Variants in PGR observed in about 807,000 individuals in gnomAD.
The protein encoded by PGR is progesterone receptor, also known as nuclear receptor subfamily 3 group C member 3.
PGR carries 25 observed loss-of-function variants against 76.1 expected under a neutral mutation model. That is an observed-to-expected ratio of 0.33 (90% CI 0.24 to 0.46). The LOEUF is 0.46. Among genes scored for constraint, PGR ranks in the 20% least tolerant of loss-of-function variants. The pLI, the probability that PGR is intolerant of heterozygous loss-of-function variation, is 1.00. For synonymous variants in PGR, 579 were observed against 535.0 expected (o/e 1.08, Z -1.14); for missense variants, 1,172 against 1,225.3 (o/e 0.96, Z 0.65).
intron 3 of PGR, among the ~76,000 whole-genome samples, chr11:101,064,766 T>C (rs188492966): frequency 3.9e-5 from 6 of 152,350 alleles, no homozygotes; most frequent in African/African-American, 1.2e-4. Flanking sequence ...GTCTTTATTA[T>C]CTGTTGCTGT....
In PGR at chr11:101,129,060, A is replaced by G. The variant is rs1481763731; in HGVS notation, c.11T>C (p.Leu4Pro). ...GGGAGCCCGGGGACCCTTTGCCTTC[A>G]GCTCAGTCATGACGACTGGACTCCC... The part of the protein sequence containing the change: MTE[L>P]KAKGPRAPHV... The change falls in exon 1 of 8, where the codon CTG becomes CCG. Residue 4 changes from leucine to proline, a missense_variant. Transcript: ENST00000325455. 1.6e-5 allele frequency: 25 copies of G among 1,550,808 alleles called. No homozygotes were observed. The Admixed American group carries it at 2.7e-4, about 17-fold the overall frequency.
At chr11:101,094,851 G>C (rs1861787914) in intron 2 of PGR, among the ~76,000 whole-genome samples, 1 of 152,094 alleles carries the variant, frequency 6.6e-6, no homozygotes, top group African/African-American at 2.4e-5. Flanking sequence ...TTAAGAGGTG[G>C]GGTCTCTGCC....
chr11:101,125,003 G>A (rs1003475644), intron 2 of PGR, among the ~76,000 whole-genome samples: 4 of 151,962 alleles, frequency 2.6e-5, no homozygotes, highest in Admixed American at 1.3e-4. Flanking sequence ...CTTGTAAGGA[G>A]AGGGCTGTTG....
At chr11:101,046,723 G>C (rs1056489955) in intron 6 of PGR, among the ~76,000 whole-genome samples, 2 of 151,934 alleles carry the variant, frequency 1.3e-5, no homozygotes, top group African/African-American at 4.8e-5. Context: ...TATAATTTGA[G>C]CTACATATCC....
intron 7 of PGR, among the ~76,000 whole-genome samples, chr11:101,039,598 A>T (rs1377598927): frequency 6.6e-6 from 1 of 151,964 alleles, no homozygotes; most frequent in Non-Finnish European, 1.5e-5. Context: ...GACATACCCA[A>T]GCATACACAC....
chr11:101,101,264 C>T (rs1426871057), intron 2 of PGR, among the ~76,000 whole-genome samples: 1 of 151,986 alleles, frequency 6.6e-6, no homozygotes, highest in African/African-American at 2.4e-5. Context: ...TTTTAAAAAA[C>T]ATGAGTACAT....
intron 2 of PGR, 73 bp from the exon 3 acceptor site, chr11:101,091,949 G>T: frequency 1.3e-6 from 1 of 790,012 alleles, no homozygotes; most frequent in Non-Finnish European, 2.2e-6. Context: ...AGTGACAACT[G>T]AAATAGAGAC....
chr11:101,108,166 G>A (rs1591421896), intron 2 of PGR, among the ~76,000 whole-genome samples: 1 of 150,730 alleles, frequency 6.6e-6, no homozygotes, highest in Admixed American at 6.6e-5. Flanking sequence ...AGGCAGGAGA[G>A]TCACTTGAAC....
intron 2 of PGR, among the ~76,000 whole-genome samples, chr11:101,108,128 C>T (rs1289855373): frequency 6.6e-6 from 1 of 151,666 alleles, no homozygotes; most frequent in Non-Finnish European, 1.5e-5. Context: ...GTGGTGGGCA[C>T]CTGTAATCCC....
chr11:101,077,260 T>C (rs1456023767), intron 3 of PGR, among the ~76,000 whole-genome samples: 1 of 152,102 alleles, frequency 6.6e-6, no homozygotes, highest in African/African-American at 2.4e-5. Context: ...AAAATGATAA[T>C]GACCACTGCG....
intron 3 of PGR, among the ~76,000 whole-genome samples, chr11:101,073,597 A>G (rs1565344998): frequency 6.6e-6 from 1 of 152,126 alleles, no homozygotes; most frequent in Non-Finnish European, 1.5e-5. Flanking sequence ...CCAGACTAAT[A>G]AAGAAGGGAG....
At position 101,128,996 on chromosome 11, in the gene PGR, G is replaced by A; in HGVS notation, c.75C>T (p.Ser25=). 2 of 1,589,410 alleles carry A rather than the reference G, an allele frequency of 1.3e-6. No homozygotes were observed. The highest frequency in any genetic ancestry group is 1.7e-6 in the Non-Finnish European group (2 of 1,167,868). ...AGGPPSPEVG[S]PLLCRPAAGP... is the part of the protein sequence containing the mutation. ...CTGCGGCTGGGCGACACAGCAGTGG[G>A]GATCCGACCTCGGGGGAGGGCGGGC... The change falls in exon 1 of 8, where the codon TCC becomes TCT. Residue 25 remains serine (S), a synonymous_variant. Coordinates refer to ENST00000325455, the MANE Select transcript of PGR (RefSeq NM_000926.4).
chr11:101,100,300 C>T (rs1861958560), intron 2 of PGR, among the ~76,000 whole-genome samples: 1 of 152,178 alleles, frequency 6.6e-6, no homozygotes, highest in Non-Finnish European at 1.5e-5. Flanking sequence ...CTCATTCTCT[C>T]TCCTGCTGCC....
intron 7 of PGR, among the ~76,000 whole-genome samples, chr11:101,041,501 G>C (rs1859693086): frequency 6.6e-6 from 1 of 151,882 alleles, no homozygotes; most frequent in Non-Finnish European, 1.5e-5. Flanking sequence ...CTAAAAAATA[G>C]AAACTTGAAA....
intron 6 of PGR, among the ~76,000 whole-genome samples, chr11:101,043,159 C>T (rs1591366962): frequency 6.6e-6 from 1 of 152,314 alleles, no homozygotes; most frequent in African/African-American, 2.4e-5. Context: ...GGAGTCAATC[C>T]TCTTAAGTCC....
At position 101,031,783 on chromosome 11, in the gene PGR, G is replaced by A. The variant is rs1859361851; in HGVS notation, c.*7333C>T. The A allele has an allele frequency of 4.4e-6, 1 of 228,168 alleles. No homozygotes were observed. The highest frequency in any genetic ancestry group is 1.3e-3 in the Middle Eastern group (1 of 754). 14.1% of individuals were successfully genotyped at this position (228,168 alleles called of 1,614,324 possible). ...CCAGATAAGGCTTTTTAAAAGCCGA[G>A]CCCAGCCATGGATTCATACCATCAA... is the stretch of plus-strand genomic sequence containing the variant. On this transcript the variant is annotated 3_prime_UTR_variant, in exon 8 of 8. Transcript: ENST00000325455.
intron 2 of PGR, among the ~76,000 whole-genome samples, chr11:101,110,482 A>C (rs1862310531): frequency 6.6e-6 from 1 of 152,192 alleles, no homozygotes. Context: ...TTAGAAGTGG[A>C]GTTCAAAGAT....
chr11:101,105,021 G>A (rs1862107318), intron 2 of PGR, among the ~76,000 whole-genome samples: 1 of 152,272 alleles, frequency 6.6e-6, no homozygotes, highest in South Asian at 2.1e-4. Flanking sequence ...GTTGGGGAAA[G>A]GAATTAGAGA....
chr11:101,095,299 C>T (rs1476996621), intron 2 of PGR, among the ~76,000 whole-genome samples: 3 of 152,220 alleles, frequency 2.0e-5, no homozygotes, highest in African/African-American at 7.2e-5. Flanking sequence ...ATCTTAATTG[C>T]TGACACTACA....
Sources: allele counts gnomAD v4.1 joint callset (sites outside exome capture counted in the v4.1 genomes callset), GRCh38; gene constraint gnomAD v4.1.1; transcripts MANE v1.5; gene names NCBI Gene and HGNC (gene_info 2026-07-23, HGNC 2026-07-21).